Variants in NKAIN4 observed in about 807,000 individuals in gnomAD.
NKAIN4 encodes sodium/potassium-transporting ATPase subunit beta-1-interacting protein 4.
A neutral mutation model predicts 28.8 loss-of-function variants in NKAIN4; 28 were observed. The observed-to-expected ratio is 0.97, with a 90% confidence interval of 0.72 to 1.33. The LOEUF is 1.33. Ranked by LOEUF, NKAIN4 falls within the 40% of genes most tolerant of loss-of-function variation. The pLI, the probability that NKAIN4 is intolerant of heterozygous loss-of-function variation, is 0.00. For synonymous variants in NKAIN4, 122 were observed against 115.6 expected (o/e 1.06, Z -0.36); for missense variants, 289 against 277.2 (o/e 1.04, Z -0.30).
intron 6 of NKAIN4, chr20:63,241,877 T>C: frequency 2.5e-6 from 1 of 396,212 alleles, no homozygotes; most frequent in Non-Finnish European, 4.9e-6. Flanking sequence ...GGGCTCCTGC[T>C]ACCTTGAACG....
At chr20:63,242,898 G>C (rs1392392482) in intron 5 of NKAIN4, among the ~76,000 whole-genome samples, 1 of 150,746 alleles carries the variant, frequency 6.6e-6, no homozygotes, top group South Asian at 2.1e-4. Flanking sequence ...CTGGGGGGAC[G>C]GCAGGGGTAG....
chr20:63,250,473 G>C (rs998614888), intron 1 of NKAIN4, among the ~76,000 whole-genome samples: 1 of 152,188 alleles, frequency 6.6e-6, no homozygotes. Flanking sequence ...CAGACACACA[G>C]CCCAGAAAAC....
chr20:63,243,749 C>T (rs562369727), intron 5 of NKAIN4: 13 of 349,104 alleles, frequency 3.7e-5, no homozygotes, highest in Admixed American at 8.6e-5. Flanking sequence ...GTGGCCACTG[C>T]GGGGATCATG....
At chr20:63,243,813 C>T (rs1388443467) in intron 5 of NKAIN4, 4 of 508,842 alleles carry the variant, frequency 7.9e-6, no homozygotes, top group African/African-American at 7.8e-5. Context: ...GCAGCTGACC[C>T]CTGGAGCCCC....
intron 6 of NKAIN4, 193 bp from the exon 7 acceptor site, chr20:63,241,699 G>C (rs1334221465): frequency 1.1e-5 from 8 of 703,746 alleles, no homozygotes. Context: ...TGTGCCGGCA[G>C]GTCAGCGTCT....
chr20:63,254,696 A>C, upstream of NKAIN4: 1 of 278,858 alleles, frequency 3.6e-6, no homozygotes, highest in Non-Finnish European at 6.6e-6. Flanking sequence ...TAAAGGGGCG[A>C]TGGCGCGGCC....
At chr20:63,243,519 G>T (rs182753241) in intron 5 of NKAIN4, among the ~76,000 whole-genome samples, 38 of 152,272 alleles carry the variant, frequency 2.5e-4, no homozygotes, top group African/African-American at 8.9e-4. Context: ...ACACCAGGAC[G>T]AGGGGACCCA....
rs369053845 is a variant in NKAIN4 at position 63,252,473 on chromosome 20, A to AG, written c.54+1923dup. On this transcript the variant is annotated intron_variant, in intron 1 of 6. Coordinates refer to ENST00000370316, the MANE Select transcript of NKAIN4 (RefSeq NM_152864.4). The surrounding 1 kb of genome is among the most constrained non-coding windows in gnomAD (Gnocchi z 4.6). Reference sequence around the variant, plus strand: ...ATTCTCACACTTGTCAAAAAAAAAAAGGGGCTATCCAACAACCCCGCCCTT... The same window carrying AG: ...ATTCTCACACTTGTCAAAAAAAAAAAGGGGGCTATCCAACAACCCCGCCCTT... Among the ~76,000 whole-genome samples, 59 of 151,458 alleles carry AG rather than the reference A, an allele frequency of 3.9e-4. No individual in the cohort carries two copies. Among genetic ancestry groups the AG allele is most frequent in the Non-Finnish European group, 5.9e-4 (40 of 67,782 alleles).
intron 1 of NKAIN4, chr20:63,253,220 A>G: frequency 2.0e-6 from 2 of 985,436 alleles, no homozygotes; most frequent in Non-Finnish European, 2.4e-6. Context: ...CCACTCACTG[A>G]AAGATACCAA....
intron 3 of NKAIN4, chr20:63,248,068 G>A (rs1173721467): frequency 2.9e-5 from 9 of 310,104 alleles, no homozygotes; most frequent in Non-Finnish European, 4.1e-5. Context: ...CCCCTTCCTC[G>A]TGTCGCTGGC....
rs6122408 is a variant in NKAIN4 at position 63,241,619 on chromosome 20, C to T, written c.618-113G>A. On this transcript the variant is annotated intron_variant, in intron 6 of 6. Coordinates refer to ENST00000370316, the MANE Select transcript of NKAIN4 (RefSeq NM_152864.4). ...AATGGAACAAAGTCCAAGCAGTGGA[C>T]GGCTTCAGGCCTTTGGCAGAAAGGA... 1,665 of 923,638 alleles carry T rather than the reference C, an allele frequency of 1.8e-3. 35 individuals carry two copies. In the East Asian group the frequency reaches 0.037, roughly 20 times the overall value. 57.2% of individuals were successfully genotyped at this position (923,638 alleles called of 1,614,324 possible). A position where few individuals can be genotyped will look rare whatever the true frequency, so the allele number is the denominator to read the frequency against.
At chr20:63,253,418 C>T (rs763505481) in intron 1 of NKAIN4, 36 of 985,346 alleles carry the variant, frequency 3.7e-5, no homozygotes, top group Non-Finnish European at 3.7e-5. Flanking sequence ...CACAGGACAC[C>T]CAAGCTGCAC....
chr20:63,251,165 GGAGAGAGAGA>G (rs61072358), intron 1 of NKAIN4, among the ~76,000 whole-genome samples: 1 of 151,092 alleles, frequency 6.6e-6, no homozygotes, highest in African/African-American at 2.4e-5. Flanking sequence ...CAGAGAGAGA[GGAGAGAGAGA>G]GAGAGAGACA....
chr20:63,250,456 C>T (rs1418213557), intron 1 of NKAIN4, among the ~76,000 whole-genome samples: 1 of 152,164 alleles, frequency 6.6e-6, no homozygotes, highest in Non-Finnish European at 1.5e-5. Flanking sequence ...ACTGTGGGGC[C>T]AGGTGACAGA....
At chr20:63,246,425 C>T (rs1314159114) in intron 4 of NKAIN4, among the ~76,000 whole-genome samples, 1 of 152,208 alleles carries the variant, frequency 6.6e-6, no homozygotes, top group Non-Finnish European at 1.5e-5. Context: ...CAGGGTGCGT[C>T]TGTGGCCCCT....
At chr20:63,248,079 C>T (rs2066894421) in intron 3 of NKAIN4, 1 of 289,990 alleles carries the variant, frequency 3.4e-6, no homozygotes, top group African/African-American at 2.2e-5. Context: ...TGTCGCTGGC[C>T]AAAGCTGCCA....
rs1356052475 is a variant in NKAIN4 at position 63,247,575 on chromosome 20, C to T, written c.471+3G>A. ...ACCCGGGGGCCCCCTTCCCCACGCT[C>T]ACCGCGATCAGGATCTGCAGGCAAC... On this transcript the variant is annotated splice_donor_region_variant and intron_variant, in intron 4 of 6. Coordinates refer to ENST00000370316, the MANE Select transcript of NKAIN4 (RefSeq NM_152864.4). 4.5e-6 allele frequency: 7 copies of T among 1,546,324 alleles called. No homozygotes were observed. Among genetic ancestry groups the T allele is most frequent in the Non-Finnish European group, 6.1e-6 (7 of 1,144,590 alleles).
chr20:63,242,435 G>C (rs552380729), intron 6 of NKAIN4, 104 bp downstream of exon 6: 2 of 783,492 alleles, frequency 2.6e-6, no homozygotes, highest in African/African-American at 1.7e-5. Flanking sequence ...ATGGCAGAAC[G>C]GACAGGCAGG....
At chr20:63,244,476 C>T in intron 4 of NKAIN4, 1 of 478,458 alleles carries the variant, frequency 2.1e-6, no homozygotes, top group African/African-American at 2.0e-5. Flanking sequence ...TTGCCTTTGG[C>T]CCCAGCCCAC....
Sources: allele counts gnomAD v4.1 joint callset (sites outside exome capture counted in the v4.1 genomes callset), GRCh38; gene constraint gnomAD v4.1.1; non-coding constraint Gnocchi (gnomAD v3.1); transcripts MANE v1.5; gene names NCBI Gene and HGNC (gene_info 2026-07-23, HGNC 2026-07-21).